The following SESTD1 variants were observed in gnomAD, a reference collection of about 807,000 sequenced individuals.
SESTD1 encodes the protein SEC14 and spectrin domain containing 1.
A neutral mutation model predicts 101.7 loss-of-function variants in SESTD1; 43 were observed. The ratio of observed to expected loss-of-function variants is 0.42; its 90% CI spans 0.33 to 0.55. The LOEUF is 0.55. Among genes scored for constraint, SESTD1 ranks in the 20% least tolerant of loss-of-function variants. The pLI is 0.07. For missense variants in SESTD1, 647 were observed against 815.1 expected (o/e 0.79, Z 2.51); for synonymous variants, 283 against 286.8 (o/e 0.99, Z 0.13).
chr2:179,145,858 ATGTC>A (rs1338491757), intron 8 of SESTD1, among the ~76,000 whole-genome samples: 1 of 152,212 alleles, frequency 6.6e-6, no homozygotes, highest in East Asian at 1.9e-4. Flanking sequence ...CATAAACACA[ATGTC>A]TGGCACATAA....
At chr2:179,132,475 C>A (rs375147633) in intron 9 of SESTD1, 49 bp from the exon 10 acceptor site, 304 of 1,528,722 alleles carry the variant, frequency 2.0e-4, no homozygotes, top group Non-Finnish European at 2.5e-4. Context: ...AGAAACTTTT[C>A]AAACTTTCAT....
rs1218750813 is a variant in SESTD1, at chr2:179,143,630, G to A, written c.811C>T (p.Arg271Cys). ...TGTTGAATCTCTTCTAACTGTGTGC[G>A]CTTGCTACGTTGCCTACAAACTTCC... ...YQEVCRQRSK[R>C]TQLEEIQQKV... The change falls in exon 9 of 18, where the codon CGC becomes TGC. Residue 271 changes from arginine (R) to cysteine (C), a missense_variant. This residue lies in a region of SESTD1 where 476 missense variants were observed against 562.6 expected (regional missense o/e 0.85). Coordinates refer to ENST00000428443, the MANE Select transcript of SESTD1 (RefSeq NM_178123.5). 1.5e-5 allele frequency: 25 copies of A among 1,613,722 alleles called. No homozygotes were observed. The highest frequency in any genetic ancestry group is 3.3e-5 in the Admixed American group (2 of 59,986).
intron 1 of SESTD1, among the ~76,000 whole-genome samples, chr2:179,233,381 G>A (rs1026557789): frequency 6.6e-6 from 1 of 152,184 alleles, no homozygotes; most frequent in Non-Finnish European, 1.5e-5. Context: ...AATACGGAAA[G>A]TGCAGAAGGA....
rs552456681 is a variant in SESTD1, at chr2:179,236,323, TAAA to T, written c.-26+28173_-26+28175del. Reference sequence around the variant, plus strand: ...GGCAACATAGTGAGACCTCATCTCTTAAAAAAAAAAAAAAAAAAAAAAAAAAAG... The same window carrying T: ...GGCAACATAGTGAGACCTCATCTCTTAAAAAAAAAAAAAAAAAAAAAAAAG... On this transcript the variant is annotated intron_variant, in intron 1 of 17. Transcript: ENST00000428443. 6.5e-3 allele frequency among the ~76,000 whole-genome samples: 431 copies of T among 66,702 alleles called. 2 individuals are homozygous for T. Among genetic ancestry groups the T allele is most frequent in the African/African-American group, 0.027 (384 of 14,130 alleles). 43.8% of individuals were successfully genotyped at this position (66,702 alleles called of 152,430 possible). A position where few individuals can be genotyped will look rare whatever the true frequency, so the allele number is the denominator to read the frequency against.
intron 10 of SESTD1, among the ~76,000 whole-genome samples, chr2:179,129,609 T>G (rs544732329): frequency 6.6e-6 from 1 of 152,308 alleles, no homozygotes; most frequent in African/African-American, 2.4e-5. Context: ...AATGCAAGAT[T>G]GTATGTTAAA....
rs958388819 is a variant in SESTD1 at position 179,107,509 on chromosome 2, TAACTA to T, written c.*2385_*2389del. 74 of 152,268 alleles carry T rather than the reference TAACTA, an allele frequency of 4.9e-4. No individual in the cohort carries two copies. The highest frequency in any genetic ancestry group is 1.7e-3 in the African/African-American group (69 of 41,572). 9.4% of individuals were successfully genotyped at this position (152,268 alleles called of 1,614,324 possible). On this transcript the variant is annotated 3_prime_UTR_variant, in exon 18 of 18. Transcript: ENST00000428443. ...TAGCAAAGTCTTAAGAAAAACATTC[TAACTA>T]CTCTGAAATTCAGAAGAAACAGATA...
intron 10 of SESTD1, among the ~76,000 whole-genome samples, chr2:179,131,367 TA>T (rs1411576454): frequency 6.6e-6 from 1 of 152,198 alleles, no homozygotes; most frequent in African/African-American, 2.4e-5. Flanking sequence ...CTTGTTTAGT[TA>T]AAAATGGACA....
At chr2:179,133,376 C>T (rs959032379) in intron 9 of SESTD1, among the ~76,000 whole-genome samples, 3 of 152,060 alleles carry the variant, frequency 2.0e-5, no homozygotes, top group Admixed American at 1.3e-4. Flanking sequence ...TGCCTAGTAA[C>T]GTAGTTGACA....
chr2:179,173,222 C>G (rs1180240461), intron 4 of SESTD1, among the ~76,000 whole-genome samples: 5 of 152,148 alleles, frequency 3.3e-5, no homozygotes, highest in African/African-American at 9.7e-5. Context: ...TTCAAATATT[C>G]CCTCTTCAGA....
At chr2:179,258,023 C>A (rs1029827361) in intron 1 of SESTD1, among the ~76,000 whole-genome samples, 8 of 152,172 alleles carry the variant, frequency 5.3e-5, no homozygotes, top group Non-Finnish European at 1.2e-4. Context: ...TTTACAAAGA[C>A]AAGACACAAG....
chr2:179,138,151 C>T (rs1337904160), intron 9 of SESTD1, among the ~76,000 whole-genome samples: 2 of 152,128 alleles, frequency 1.3e-5, no homozygotes, highest in African/African-American at 4.8e-5. Flanking sequence ...ACAGTAATCT[C>T]GTTACCATCA....
intron 8 of SESTD1, among the ~76,000 whole-genome samples, chr2:179,144,127 T>C (rs1214204791): frequency 6.6e-6 from 1 of 152,084 alleles, no homozygotes; most frequent in Non-Finnish European, 1.5e-5. Context: ...TATATTTTTT[T>C]TTATCAATCA....
chr2:179,104,535 C>G lies in SESTD1; in HGVS notation c.*5364G>C, dbSNP rs900779834. On this transcript the variant is annotated 3_prime_UTR_variant, in exon 18 of 18. Transcript: ENST00000428443. Reference sequence around the variant, plus strand: ...AAAGGCACCCAGTCATCTCTCATCTCTCCCCCAAGACAGAAGCATTTGGAC... The same window carrying G: ...AAAGGCACCCAGTCATCTCTCATCTGTCCCCCAAGACAGAAGCATTTGGAC... The G allele has an allele frequency of 2.6e-5, 4 of 152,144 alleles. No homozygotes were observed. Among genetic ancestry groups the G allele is most frequent in the Non-Finnish European group, 5.9e-5 (4 of 68,060 alleles). The allele number at this position is 152,144 out of a possible 1,614,324, so 9.4% of individuals were successfully genotyped here. A position where few individuals can be genotyped will look rare whatever the true frequency, so the allele number is the denominator to read the frequency against.
rs1419793622 is a variant in SESTD1, at chr2:179,215,983, A to G, written c.-25-24117T>C. Among the ~76,000 whole-genome samples, 2 of 134,982 alleles carry G rather than the reference A, an allele frequency of 1.5e-5. 1 individual carries two copies. Among genetic ancestry groups the G allele is most frequent in the African/African-American group, 5.8e-5 (2 of 34,214 alleles). The allele number at this position is 134,982 out of a possible 152,430, so 88.6% of individuals were successfully genotyped here. ...TCTCAATACTAGGTATTGATGAAAC[A>G]TAACTCAAAATAGTAAGAACTATAT... is the stretch of plus-strand genomic sequence containing the variant. On this transcript the variant is annotated intron_variant, in intron 1 of 17. Transcript: ENST00000428443.
chr2:179,147,105 T>G (rs916530581), intron 7 of SESTD1, among the ~76,000 whole-genome samples: 5 of 151,906 alleles, frequency 3.3e-5, no homozygotes, highest in African/African-American at 1.2e-4. Flanking sequence ...TCACTTTTTG[T>G]CAATGGATCT....
At chr2:179,217,033 G>A (rs1262482123) in intron 1 of SESTD1, among the ~76,000 whole-genome samples, 1 of 151,908 alleles carries the variant, frequency 6.6e-6, no homozygotes, top group Non-Finnish European at 1.5e-5. Flanking sequence ...AAAAACCCTA[G>A]AAGAAAACCT....
chr2:179,120,193 C>A (rs183451482), intron 13 of SESTD1, among the ~76,000 whole-genome samples: 16 of 151,840 alleles, frequency 1.1e-4, no homozygotes, highest in African/African-American at 3.9e-4. Context: ...CATACCACTG[C>A]ACTCCAGCCT....
intron 3 of SESTD1, among the ~76,000 whole-genome samples, chr2:179,176,764 G>C (rs1156886362): frequency 6.6e-6 from 1 of 152,020 alleles, no homozygotes; most frequent in African/African-American, 2.4e-5. Flanking sequence ...AACTAATGTG[G>C]CAAGAAAATT....
chr2:179,229,034 T>G (rs2046934873), intron 1 of SESTD1, among the ~76,000 whole-genome samples: 1 of 151,844 alleles, frequency 6.6e-6, no homozygotes, highest in East Asian at 1.9e-4. Context: ...TGAGAGAAAA[T>G]TATAGGGAAG....
Sources: gnomAD v4.1 joint callset for allele counts (sites outside exome capture counted in the v4.1 genomes callset) on GRCh38, gnomAD v4.1.1 for gene constraint, gnomAD v4.1.1 regional missense constraint, MANE v1.5 for transcripts, NCBI Gene and HGNC (gene_info 2026-07-23, HGNC 2026-07-21) for gene names.